PDZRN3: variants seen among roughly 807,000 people sequenced by gnomAD.
PDZRN3 encodes the protein E3 ubiquitin-protein ligase PDZRN3.
PDZRN3 carries 38 observed loss-of-function variants against 85.7 expected under a neutral mutation model. The observed-to-expected ratio is 0.44, with a 90% confidence interval of 0.34 to 0.58. The LOEUF (loss-of-function observed/expected upper bound fraction) is 0.58. PDZRN3 is among the 20% of genes least tolerant of loss of function. The pLI is 0.01. For synonymous variants in PDZRN3, 759 were observed against 638.0 expected, an observed-to-expected ratio of 1.19 and a Z score of -2.86; for missense variants, 1,629 against 1,506.4, an observed-to-expected ratio of 1.08 and a Z score of -1.35.
chr3:73,533,579 C>A (rs1704710031), intron 3 of PDZRN3, among the ~76,000 whole-genome samples: 1 of 151,722 alleles, frequency 6.6e-6, no homozygotes, highest in African/African-American at 2.4e-5. Flanking sequence ...ACAAGAGTGG[C>A]CTAGGGGATT....
At chr3:73,529,139 C>T (rs1195906989) in intron 3 of PDZRN3, among the ~76,000 whole-genome samples, 5 of 152,074 alleles carry the variant, frequency 3.3e-5, no homozygotes, top group Non-Finnish European at 5.9e-5. Flanking sequence ...AAGTAAGCAC[C>T]TCTGCTGGAA....
At chr3:73,499,804 A>G (rs1444593465) in intron 3 of PDZRN3, among the ~76,000 whole-genome samples, 3 of 152,154 alleles carry the variant, frequency 2.0e-5, no homozygotes, top group Non-Finnish European at 4.4e-5. Flanking sequence ...GGCAAGTTAC[A>G]TAATCTCTCC....
In PDZRN3 at chr3:73,388,186, A is replaced by G. The variant is rs79793553; in HGVS notation, c.1417-117T>C. On this transcript the variant is annotated intron_variant, in intron 7 of 9. Transcript: ENST00000263666. ...TTTGTCACCCACTCACAGTTAGAAC[A>G]TACAACTTCCGTGTAGCTGGAAAAG... The G allele has an allele frequency of 7.0e-3, 4,186 of 595,580 alleles. 128 individuals are homozygous for G. Among genetic ancestry groups the G allele is most frequent in the African/African-American group, 0.066 (3,518 of 53,460 alleles). 36.9% of individuals were successfully genotyped at this position (595,580 alleles called of 1,614,324 possible). A position where few individuals can be genotyped will look rare whatever the true frequency, so the allele number is the denominator to read the frequency against.
chr3:73,392,233 G>C (rs562146199), intron 5 of PDZRN3, among the ~76,000 whole-genome samples: 1 of 152,274 alleles, frequency 6.6e-6, no homozygotes, highest in Non-Finnish European at 1.5e-5. Flanking sequence ...TCAAGGAAGA[G>C]AGAAGTGGGC....
intron 3 of PDZRN3, among the ~76,000 whole-genome samples, chr3:73,410,888 C>T (rs17011113): frequency 0.018 from 2,686 of 152,204 alleles, 75 homozygotes; most frequent in African/African-American, 0.058. Flanking sequence ...CAGTATGAAT[C>T]GAAAAATTAA....
At chr3:73,420,108 G>A (rs974606439) in intron 3 of PDZRN3, among the ~76,000 whole-genome samples, 1 of 152,198 alleles carries the variant, frequency 6.6e-6, no homozygotes, top group Non-Finnish European at 1.5e-5. Context: ...GGACACAGAT[G>A]CACATTAAAG....
In PDZRN3 at chr3:73,602,470, TAAAA is replaced by T; in HGVS notation, c.811-13_811-10del. On this transcript the variant is annotated splice_polypyrimidine_tract_variant and intron_variant, in intron 2 of 9. Transcript: ENST00000263666. ...GATCCATCGTGGTTATCCTTTGGGT[TAAAA>T]AAAAAAACATGCATGAATGCTAGGC... is the stretch of plus-strand genomic sequence containing the variant. The T allele has an allele frequency of 9.6e-7, 1 of 1,036,468 alleles. No individual in the cohort carries two copies. The highest frequency in any genetic ancestry group is 1.4e-6 in the Non-Finnish European group (1 of 699,918). 64.2% of individuals were successfully genotyped at this position (1,036,468 alleles called of 1,614,324 possible). A position where few individuals can be genotyped will look rare whatever the true frequency, so the allele number is the denominator to read the frequency against.
At chr3:73,556,831 G>C (rs1048114128) in intron 3 of PDZRN3, 1 of 152,224 alleles carries the variant, frequency 6.6e-6, no homozygotes, top group Non-Finnish European at 1.5e-5. Flanking sequence ...AAGAATGCTG[G>C]AGGCTGAGAT....
At chr3:73,606,670 C>T (rs1355117172) in intron 2 of PDZRN3, among the ~76,000 whole-genome samples, 1 of 152,228 alleles carries the variant, frequency 6.6e-6, no homozygotes, top group African/African-American at 2.4e-5. Context: ...GGAATTATCC[C>T]TGTCCCCATC....
At position 73,577,058 on chromosome 3, in the gene PDZRN3, G is replaced by A. The variant is rs372105707; in HGVS notation, c.918+25296C>T. Reference sequence around the variant, plus strand: ...TGACTAAATTAATACTTTTCTAAATGGAGTCGCTCACTCATGCATGGTTGA... The same window carrying A: ...TGACTAAATTAATACTTTTCTAAATAGAGTCGCTCACTCATGCATGGTTGA... On this transcript the variant is annotated intron_variant, in intron 3 of 9. Coordinates refer to ENST00000263666, the MANE Select transcript of PDZRN3 (RefSeq NM_015009.3). Among the ~76,000 whole-genome samples, 4 of 152,236 alleles carry A rather than the reference G, an allele frequency of 2.6e-5. No individual in the cohort carries two copies. In the East Asian group the frequency reaches 7.7e-4, roughly 29 times the overall value.
chr3:73,434,167 A>C (rs1702487726), intron 3 of PDZRN3, among the ~76,000 whole-genome samples: 1 of 152,218 alleles, frequency 6.6e-6, no homozygotes, highest in Admixed American at 6.5e-5. Flanking sequence ...AATAAAAGAC[A>C]CTAACAATTT....
At chr3:73,562,360 A>G (rs572420601) in intron 3 of PDZRN3, among the ~76,000 whole-genome samples, 56 of 152,304 alleles carry the variant, frequency 3.7e-4, no homozygotes, top group Non-Finnish European at 6.8e-4. Flanking sequence ...GATGGGCATG[A>G]TATGCCTCTC....
chr3:73,600,722 C>T lies in PDZRN3; in HGVS notation c.918+1632G>A, dbSNP rs1418068135. Among the ~76,000 whole-genome samples, 3 of 152,202 alleles carry T rather than the reference C, an allele frequency of 2.0e-5. No homozygotes were observed. In the East Asian group the frequency reaches 5.8e-4, roughly 29 times the overall value. On this transcript the variant is annotated intron_variant, in intron 3 of 9. Coordinates refer to ENST00000263666, the MANE Select transcript of PDZRN3 (RefSeq NM_015009.3). ...ACACAAGAGCAATGAAATTCCATTA[C>T]TTAGAGAAACTGGCTGTTCCACCAA...
At chr3:73,564,197 C>T (rs529743947) in intron 3 of PDZRN3, among the ~76,000 whole-genome samples, 1 of 152,302 alleles carries the variant, frequency 6.6e-6, no homozygotes, top group African/African-American at 2.4e-5. Flanking sequence ...AGTCACTTAA[C>T]ATCTTGAAAA....
At position 73,624,113 on chromosome 3, in the gene PDZRN3, G is replaced by C; in HGVS notation, c.713C>G (p.Pro238Arg). 3.4e-6 allele frequency: 5 copies of C among 1,461,842 alleles called. No individual in the cohort carries two copies. The highest frequency in any genetic ancestry group is 4.5e-6 in the Non-Finnish European group (5 of 1,115,130). The allele number at this position is 1,461,842 out of a possible 1,614,324, so 90.6% of individuals were successfully genotyped here. Residue 238 changes from proline (P) to arginine (R), a missense_variant, in exon 1 of 10, where the codon CCC becomes CGC. Physicochemically the swap from Pro to Arg is moderately radical, Grantham distance 103 (BLOSUM62 -2). Transcript: ENST00000263666. The stretch of plus-strand genomic sequence containing the variant: ...GCAGCAGGCGCCTACCTTGCCGCCG[G>C]GCGGCGCGGCCACGCAGCGGCTGAG... ...DSLSRCVAAP[P>R]GGKGEETKSL...
intron 3 of PDZRN3, among the ~76,000 whole-genome samples, chr3:73,490,374 G>A (rs1229820690): frequency 6.6e-6 from 1 of 152,176 alleles, no homozygotes; most frequent in Non-Finnish European, 1.5e-5. Flanking sequence ...CTCCTGTTAG[G>A]ATTCTTATTG....
chr3:73,524,317 A>G (rs1021423809), intron 3 of PDZRN3, among the ~76,000 whole-genome samples: 2 of 152,248 alleles, frequency 1.3e-5, no homozygotes, highest in African/African-American at 4.8e-5. Context: ...TCTCTTAAAG[A>G]TAGTCAAAGT....
chr3:73,564,086 T>C (rs1289197540), intron 3 of PDZRN3, among the ~76,000 whole-genome samples: 1 of 152,142 alleles, frequency 6.6e-6, no homozygotes, highest in Non-Finnish European at 1.5e-5. Flanking sequence ...CTCCTCTAAT[T>C]CTCTCTGCCT....
intron 3 of PDZRN3, among the ~76,000 whole-genome samples, chr3:73,457,964 A>G (rs1025460564): frequency 6.6e-6 from 1 of 152,222 alleles, no homozygotes; most frequent in Non-Finnish European, 1.5e-5. Context: ...GCATGTTGTT[A>G]TAGCAGCCTG....
Sources: allele counts gnomAD v4.1 joint callset (sites outside exome capture counted in the v4.1 genomes callset), GRCh38; gene constraint gnomAD v4.1.1; transcripts MANE v1.5; gene names NCBI Gene and HGNC (gene_info 2026-07-23, HGNC 2026-07-21).